PIK3CB: variants seen among roughly 807,000 people sequenced by gnomAD.
PIK3CB encodes phosphatidylinositol-4,5-bisphosphate 3-kinase catalytic subunit beta.
PIK3CB carries 39 observed loss-of-function variants against 136.8 expected under a neutral mutation model. The observed-to-expected ratio is 0.29, with a 90% confidence interval of 0.22 to 0.37. The LOEUF (loss-of-function observed/expected upper bound fraction) is 0.37, where lower values mean the gene tolerates loss of function less well. PIK3CB is among the 10% of genes least tolerant of loss of function. PIK3CB has a pLI of 1.00. For synonymous variants in PIK3CB, 428 were observed against 436.6 expected, an observed-to-expected ratio of 0.98 and a Z score of 0.25; for missense variants, 868 against 1,275.4, an observed-to-expected ratio of 0.68 and a Z score of 4.87.
chr3:138,741,223 G>A (rs1254999080), intron 5 of PIK3CB, among the ~76,000 whole-genome samples: 1 of 152,130 alleles, frequency 6.6e-6, no homozygotes, highest in Non-Finnish European at 1.5e-5. Flanking sequence ...TGTCTAAAAG[G>A]AGGCAAAACT....
intron 21 of PIK3CB, among the ~76,000 whole-genome samples, chr3:138,661,062 GC>G (rs1164809607): frequency 1.3e-5 from 2 of 152,124 alleles, no homozygotes; most frequent in Non-Finnish European, 2.9e-5. Flanking sequence ...TATACATCTG[GC>G]TGCCACTGTT....
chr3:138,705,834 T>G (rs1167155244), intron 11 of PIK3CB, among the ~76,000 whole-genome samples: 1 of 152,096 alleles, frequency 6.6e-6, no homozygotes, highest in Non-Finnish European at 1.5e-5. Context: ...GTCACTGCAG[T>G]CTGAAATTCC....
intron 2 of PIK3CB, among the ~76,000 whole-genome samples, chr3:138,761,248 T>G (rs1347303286): frequency 1.3e-5 from 2 of 152,224 alleles, no homozygotes; most frequent in African/African-American, 4.8e-5. Context: ...AGGCTTTAGA[T>G]CTGATCTATG....
chr3:138,743,469 A>G (rs2045284654), intron 4 of PIK3CB, among the ~76,000 whole-genome samples: 1 of 152,194 alleles, frequency 6.6e-6, no homozygotes, highest in African/African-American at 2.4e-5. Flanking sequence ...TAAACATAAA[A>G]TTGTTCTTTA....
At chr3:138,692,607 GT>G (rs374502511) in intron 14 of PIK3CB, among the ~76,000 whole-genome samples, 123 of 152,282 alleles carry the variant, frequency 8.1e-4, no homozygotes, top group Non-Finnish European at 1.2e-3. Flanking sequence ...ATAGGAAGCT[GT>G]TTCCTCTTCT....
intron 2 of PIK3CB, among the ~76,000 whole-genome samples, chr3:138,786,762 C>T (rs140483485): frequency 6.6e-6 from 1 of 152,264 alleles, no homozygotes; most frequent in East Asian, 1.9e-4. Flanking sequence ...GACTATTTAA[C>T]ATGGTTTAAA....
At chr3:138,690,583 C>T (rs2043986913) in intron 15 of PIK3CB, among the ~76,000 whole-genome samples, 1 of 152,000 alleles carries the variant, frequency 6.6e-6, no homozygotes. Flanking sequence ...CTAGTAATGA[C>T]AGTACCACCC....
chr3:138,746,757 C>G (rs1170826640), intron 4 of PIK3CB, among the ~76,000 whole-genome samples: 2 of 151,366 alleles, frequency 1.3e-5, no homozygotes, highest in African/African-American at 4.8e-5. Flanking sequence ...GTACTAGATC[C>G]TTCAGTTTCT....
At chr3:138,772,649 T>C (rs1158543263) in intron 2 of PIK3CB, among the ~76,000 whole-genome samples, 1 of 150,924 alleles carries the variant, frequency 6.6e-6, no homozygotes, top group East Asian at 1.9e-4. Flanking sequence ...TTTTTTTTTT[T>C]TTACTAGAGA....
chr3:138,694,250 T>G (rs991523551), intron 14 of PIK3CB, among the ~76,000 whole-genome samples: 2 of 151,902 alleles, frequency 1.3e-5, no homozygotes, highest in Non-Finnish European at 2.9e-5. Context: ...GCTGGGAGTA[T>G]AGAAATCTGG....
At chr3:138,736,851 G>T (rs1429218069) in intron 6 of PIK3CB, among the ~76,000 whole-genome samples, 1 of 152,084 alleles carries the variant, frequency 6.6e-6, no homozygotes, top group African/African-American at 2.4e-5. Flanking sequence ...AAGGGGCAAG[G>T]GAAATTCCAC....
intron 1 of PIK3CB, chr3:138,825,775 G>A: frequency 1.3e-6 from 1 of 795,936 alleles, no homozygotes. Flanking sequence ...CGGAATGGTG[G>A]TCACCTTTGC....
intron 13 of PIK3CB, among the ~76,000 whole-genome samples, chr3:138,697,445 T>TATTTATTG (rs2044161684): frequency 6.6e-6 from 1 of 152,086 alleles, no homozygotes; most frequent in Non-Finnish European, 1.5e-5. Flanking sequence ...TTTATTTATT[T>TATTTATTG]ATTTATTTGA....
intron 1 of PIK3CB, among the ~76,000 whole-genome samples, chr3:138,812,339 C>T (rs537565211): frequency 1.3e-5 from 2 of 151,510 alleles, no homozygotes; most frequent in African/African-American, 2.4e-5. Flanking sequence ...TGGGTTCAAG[C>T]GATTCTCCTG....
At chr3:138,759,407 T>C (rs1308942954) in intron 2 of PIK3CB, 48 bp from the exon 3 acceptor site, 1 of 1,319,066 alleles carries the variant, frequency 7.6e-7, no homozygotes, top group Non-Finnish European at 1.1e-6. Context: ...CAGCCAAATT[T>C]TATACCAAGA....
At chr3:138,772,564 T>C (rs540994883) in intron 2 of PIK3CB, among the ~76,000 whole-genome samples, 2 of 151,428 alleles carry the variant, frequency 1.3e-5, no homozygotes, top group African/African-American at 4.8e-5. Flanking sequence ...CTCCAGCAAT[T>C]CTCCCACCTC....
At chr3:138,691,173 C>T (rs1427037550) in intron 14 of PIK3CB, 30 bp from the exon 15 acceptor site, 1 of 1,597,582 alleles carries the variant, frequency 6.3e-7, no homozygotes, top group South Asian at 1.1e-5. Context: ...CAGTGAGTAA[C>T]CAAACAACCT....
chr3:138,792,432 G>A (rs2046062376), intron 2 of PIK3CB, among the ~76,000 whole-genome samples: 1 of 152,044 alleles, frequency 6.6e-6, no homozygotes, highest in Non-Finnish European at 1.5e-5. Context: ...GAAGTGCAGT[G>A]GTAGGATCTG....
chr3:138,690,227 G>T (rs1224494705), intron 15 of PIK3CB, among the ~76,000 whole-genome samples: 2 of 145,926 alleles, frequency 1.4e-5, no homozygotes, highest in Admixed American at 1.4e-4. Context: ...GCTCAGCAAA[G>T]AAAAGAAAAA....
Sources: gnomAD v4.1 joint callset for allele counts (sites outside exome capture counted in the v4.1 genomes callset) on GRCh38, gnomAD v4.1.1 for gene constraint, MANE v1.5 for transcripts, NCBI Gene and HGNC (gene_info 2026-07-23, HGNC 2026-07-21) for gene names.